GRIA4: variants seen among roughly 807,000 people sequenced by gnomAD.
GRIA4 encodes glutamate ionotropic receptor AMPA type subunit 4, also known as glutamate receptor 4.
In GRIA4, 34 loss-of-function variants were observed where a neutral mutation model predicts 104.0. The ratio of observed to expected loss-of-function variants is 0.33; its 90% CI spans 0.25 to 0.44. The LOEUF (loss-of-function observed/expected upper bound fraction) is 0.44. Among genes scored for constraint, GRIA4 ranks in the 20% least tolerant of loss-of-function variants. The probability of loss-of-function intolerance (pLI) is 1.00; values close to 1 mark genes in which losing one functional copy is unlikely to be tolerated. For synonymous variants in GRIA4, 386 were observed against 381.9 expected, an observed-to-expected ratio of 1.01 and a Z score of -0.13; for missense variants, 750 against 1,096.5, an observed-to-expected ratio of 0.68 and a Z score of 4.46.
At chr11:105,846,244 G>A (rs756472037) in intron 4 of GRIA4, among the ~76,000 whole-genome samples, 91 of 152,132 alleles carry the variant, frequency 6.0e-4, no homozygotes, top group Non-Finnish European at 8.5e-4. Context: ...TTGGAATTTG[G>A]AAAGCAAATT....
intron 3 of GRIA4, among the ~76,000 whole-genome samples, chr11:105,727,714 C>T (rs1361889074): frequency 6.6e-6 from 1 of 152,056 alleles, no homozygotes; most frequent in Admixed American, 6.6e-5. Context: ...AGAGTGGGGG[C>T]CAATATTCAA....
intron 7 of GRIA4, among the ~76,000 whole-genome samples, chr11:105,899,532 T>A (rs999016209): frequency 2.0e-5 from 3 of 152,218 alleles, no homozygotes; most frequent in African/African-American, 7.2e-5. Flanking sequence ...AATCCTCTCA[T>A]CCTTCACAAC....
At chr11:105,668,613 C>A (rs1303594082) in intron 3 of GRIA4, among the ~76,000 whole-genome samples, 3 of 150,988 alleles carry the variant, frequency 2.0e-5, no homozygotes, top group Non-Finnish European at 4.4e-5. Flanking sequence ...ATATTCCCAC[C>A]CACCCATCAG....
chr11:105,826,430 A>G (rs756075540), intron 4 of GRIA4, among the ~76,000 whole-genome samples: 1 of 152,028 alleles, frequency 6.6e-6, no homozygotes, highest in African/African-American at 2.4e-5. Flanking sequence ...TGTCTGTCTT[A>G]GGGACATCTA....
Position 105,803,694 on chromosome 11 carries a change from G to A in GRIA4, c.487+50474G>A, listed in dbSNP as rs1942817377. 2.6e-5 allele frequency among the ~76,000 whole-genome samples: 4 copies of A among 151,772 alleles called. No individual in the cohort carries two copies. In the South Asian group the frequency reaches 8.3e-4, roughly 31 times the overall value. Reference sequence around the variant, plus strand: ...TTTAATTAGTTAAGCAACACACATTGTATATCTTCCAGATAAAGAACACTT... The same window carrying A: ...TTTAATTAGTTAAGCAACACACATTATATATCTTCCAGATAAAGAACACTT... On this transcript the variant is annotated intron_variant, in intron 4 of 16. Transcript: ENST00000282499.
chr11:105,941,452 C>T (rs931951746), intron 14 of GRIA4, among the ~76,000 whole-genome samples: 19 of 152,222 alleles, frequency 1.2e-4, no homozygotes, highest in African/African-American at 4.6e-4. Context: ...TTTCAATGTA[C>T]ACAATGCTGA....
At chr11:105,944,173 T>C (rs1485173471) in intron 14 of GRIA4, among the ~76,000 whole-genome samples, 1 of 152,192 alleles carries the variant, frequency 6.6e-6, no homozygotes, top group Non-Finnish European at 1.5e-5. Context: ...AAAGTGTTTT[T>C]TCCCTGCACA....
intron 3 of GRIA4, chr11:105,613,823 A>G (rs961990200): frequency 6.6e-5 from 10 of 152,060 alleles, no homozygotes; most frequent in African/African-American, 2.4e-4. Flanking sequence ...TATAGGTTCT[A>G]TGAGTTACTA....
intron 3 of GRIA4, among the ~76,000 whole-genome samples, chr11:105,662,006 T>TG (rs1391271102): frequency 3.0e-4 from 26 of 85,608 alleles, no homozygotes; most frequent in African/African-American, 6.5e-4. Flanking sequence ...TGTGTGTGTG[T>TG]TTGTGTGTGT....
chr11:105,719,778 A>G (rs949854079), intron 3 of GRIA4, among the ~76,000 whole-genome samples: 17 of 143,070 alleles, frequency 1.2e-4, no homozygotes, highest in Admixed American at 3.5e-4. Context: ...AATGATTGGG[A>G]AAAAAAAAAA....
intron 4 of GRIA4, among the ~76,000 whole-genome samples, chr11:105,755,428 C>A (rs902409612): frequency 1.3e-5 from 2 of 152,108 alleles, no homozygotes; most frequent in African/African-American, 4.8e-5. Flanking sequence ...CCTCCATTTT[C>A]TTATTGCATT....
At chr11:105,673,902 G>A (rs1952454413) in intron 3 of GRIA4, among the ~76,000 whole-genome samples, 1 of 151,916 alleles carries the variant, frequency 6.6e-6, no homozygotes, top group Non-Finnish European at 1.5e-5. Context: ...TAAGATCAAT[G>A]GAATATAGAT....
chr11:105,723,070 G>A (rs961257182), intron 3 of GRIA4, among the ~76,000 whole-genome samples: 3 of 152,046 alleles, frequency 2.0e-5, no homozygotes, highest in African/African-American at 7.2e-5. Flanking sequence ...GGGACTTGCC[G>A]ATGGGTAAAG....
intron 5 of GRIA4, among the ~76,000 whole-genome samples, chr11:105,878,715 T>C (rs1266677923): frequency 6.6e-6 from 1 of 152,158 alleles, no homozygotes; most frequent in East Asian, 1.9e-4. Context: ...GTTTACAATG[T>C]GGGGTAATGG....
chr11:105,696,563 A>C (rs1004162787), intron 3 of GRIA4, among the ~76,000 whole-genome samples: 1 of 152,188 alleles, frequency 6.6e-6, no homozygotes, highest in African/African-American at 2.4e-5. Flanking sequence ...AAATTTAATA[A>C]TAATAAGCAT....
intron 4 of GRIA4, among the ~76,000 whole-genome samples, chr11:105,823,833 C>A (rs929781813): frequency 5.9e-5 from 9 of 152,002 alleles, no homozygotes; most frequent in African/African-American, 1.7e-4. Flanking sequence ...AAGCCTAACC[C>A]CCCGTACATC....
At chr11:105,686,215 T>A (rs1208897492) in intron 3 of GRIA4, among the ~76,000 whole-genome samples, 1 of 152,166 alleles carries the variant, frequency 6.6e-6, no homozygotes, top group Non-Finnish European at 1.5e-5. Flanking sequence ...CCAGTCCTTG[T>A]CTCCCTCCAT....
chr11:105,688,253 AAGAT>A (rs1316645909), intron 3 of GRIA4, among the ~76,000 whole-genome samples: 2 of 152,010 alleles, frequency 1.3e-5, no homozygotes, highest in African/African-American at 4.8e-5. Flanking sequence ...AAGAATGAGA[AAGAT>A]AGGTTAAAAA....
At chr11:105,794,045 A>C (rs907161178) in intron 4 of GRIA4, among the ~76,000 whole-genome samples, 1 of 152,040 alleles carries the variant, frequency 6.6e-6, no homozygotes, top group African/African-American at 2.4e-5. Flanking sequence ...AGCAAACACA[A>C]AGAGATGTGA....
Sources: allele counts gnomAD v4.1 joint callset (sites outside exome capture counted in the v4.1 genomes callset), GRCh38; gene constraint gnomAD v4.1.1; transcripts MANE v1.5; gene names NCBI Gene and HGNC (gene_info 2026-07-23, HGNC 2026-07-21).